EYS: variants seen among roughly 807,000 people sequenced by gnomAD.
EYS encodes the protein protein eyes shut homolog.
A neutral mutation model predicts 282.1 loss-of-function variants in EYS; 250 were observed. That is an observed-to-expected ratio of 0.89 (90% CI 0.80 to 0.98). EYS has a LOEUF of 0.98. EYS is among the 50% of genes least tolerant of loss of function. The probability of loss-of-function intolerance (pLI) is 0.00; values close to 1 mark genes in which losing one functional copy is unlikely to be tolerated. For missense variants in EYS, 4,016 were observed against 3,709.0 expected (o/e 1.08, Z -2.15); for synonymous variants, 1,355 against 1,282.9 (o/e 1.06, Z -1.20).
At chr6:64,259,520 C>T (rs1486258382) in intron 30 of EYS, among the ~76,000 whole-genome samples, 1 of 151,936 alleles carries the variant, frequency 6.6e-6, no homozygotes, top group East Asian at 1.9e-4. Context: ...GAAGGAGATC[C>T]TGCCCCTCCG....
chr6:65,327,773 C>T (rs111371637), intron 11 of EYS, among the ~76,000 whole-genome samples: 2,351 of 151,558 alleles, frequency 0.016, 69 homozygotes, highest in African/African-American at 0.054. Context: ...CTAGAAGATA[C>T]ATTGAAGTGG....
intron 29 of EYS, among the ~76,000 whole-genome samples, chr6:64,369,357 C>A (rs572759241): frequency 3.5e-4 from 54 of 152,166 alleles, no homozygotes; most frequent in Non-Finnish European, 6.5e-4. Context: ...ATCACTTCAG[C>A]TTTGGTCTTT....
intron 10 of EYS, among the ~76,000 whole-genome samples, chr6:65,336,959 A>C (rs1322748065): frequency 6.6e-6 from 1 of 151,416 alleles, no homozygotes; most frequent in Admixed American, 6.6e-5. Flanking sequence ...ATGACAATAG[A>C]ATTTTACTAT....
chr6:63,777,966 A>G (rs762636102), intron 40 of EYS, 40 bp downstream of exon 40: 24 of 1,537,436 alleles, frequency 1.6e-5, no homozygotes, highest in Non-Finnish European at 2.1e-5. Flanking sequence ...TTAGAGTGCA[A>G]ACAACCTGCT....
At chr6:64,240,165 T>C (rs1282945155) in intron 30 of EYS, among the ~76,000 whole-genome samples, 5 of 152,184 alleles carry the variant, frequency 3.3e-5, no homozygotes, top group Non-Finnish European at 7.3e-5. Flanking sequence ...AGCCTTGTAG[T>C]ATAGTTTGAA....
chr6:63,885,872 C>T (rs1773249833), intron 35 of EYS, among the ~76,000 whole-genome samples: 1 of 152,164 alleles, frequency 6.6e-6, no homozygotes, highest in Non-Finnish European at 1.5e-5. Context: ...ATTGGCTAGA[C>T]TTGTACTCTT....
intron 14 of EYS, among the ~76,000 whole-genome samples, chr6:64,996,978 T>A (rs770158098): frequency 6.6e-6 from 1 of 152,146 alleles, no homozygotes; most frequent in Non-Finnish European, 1.5e-5. Flanking sequence ...TGAGTCCACC[T>A]TGAGTAGGTG....
chr6:64,085,355 C>T (rs957158740), intron 31 of EYS, among the ~76,000 whole-genome samples: 3 of 151,686 alleles, frequency 2.0e-5, no homozygotes, highest in South Asian at 2.1e-4. Flanking sequence ...CACACACACA[C>T]ACACACACAC....
intron 13 of EYS, among the ~76,000 whole-genome samples, chr6:65,053,165 C>T (rs1351995563): frequency 6.6e-6 from 1 of 151,560 alleles, no homozygotes; most frequent in African/African-American, 2.4e-5. Flanking sequence ...GGACAAATAC[C>T]TTTTTCCAGT....
chr6:65,116,703 C>A (rs1342642473), intron 12 of EYS, among the ~76,000 whole-genome samples: 3 of 151,850 alleles, frequency 2.0e-5, no homozygotes, highest in Admixed American at 2.0e-4. Flanking sequence ...CAAAACAAAA[C>A]AACAACAAAA....
In EYS at chr6:64,622,285, C is replaced by G. The variant is rs184237984; in HGVS notation, c.3568+3836G>C. ...GGAGGGCTTTATGCTTACCATGGCC[C>G]TGTCATGACTGGACAACATTGGCCA... On this transcript the variant is annotated intron_variant, in intron 23 of 42. Transcript: ENST00000503581. 1.2e-3 allele frequency among the ~76,000 whole-genome samples: 183 copies of G among 152,208 alleles called. 2 individuals are homozygous for G. Among genetic ancestry groups the G allele is most frequent in the Non-Finnish European group, 2.6e-4 (18 of 68,016 alleles).
chr6:65,176,315 A>G (rs1412091977), intron 12 of EYS, among the ~76,000 whole-genome samples: 1 of 151,622 alleles, frequency 6.6e-6, no homozygotes, highest in Non-Finnish European at 1.5e-5. Context: ...AGCTAAATGT[A>G]TACTTAAAAC....
At chr6:65,161,929 G>A (rs370860915) in intron 12 of EYS, among the ~76,000 whole-genome samples, 3 of 151,066 alleles carry the variant, frequency 2.0e-5, no homozygotes, top group East Asian at 3.9e-4. Context: ...TAGTTTCCCC[G>A]CCTCCTCACA....
intron 7 of EYS, 98 bp downstream of exon 7, chr6:65,402,380 A>C: frequency 1.1e-6 from 1 of 884,658 alleles, no homozygotes; most frequent in Non-Finnish European, 1.8e-6. Context: ...CCATTAAGTA[A>C]AAGTTAGGGT....
rs530223455 is a variant in EYS at position 64,120,310 on chromosome 6, C to A, written c.6425-38308G>T. Reference sequence around the variant, plus strand: ...GGCGGAGCTTGCAGTGAGAGGAGATCGCACCACTGCACTCCAGCCTGGGTG... The same window carrying A: ...GGCGGAGCTTGCAGTGAGAGGAGATAGCACCACTGCACTCCAGCCTGGGTG... On this transcript the variant is annotated intron_variant, in intron 31 of 42. Coordinates refer to ENST00000503581, the MANE Select transcript of EYS (RefSeq NM_001142800.2). Among the ~76,000 whole-genome samples the A allele has an allele frequency of 3.6e-5, 5 of 138,096 alleles. No homozygotes were observed. In the East Asian group the frequency reaches 1.1e-3, roughly 30 times the overall value. The allele number at this position is 138,096 out of a possible 152,430, so 90.6% of individuals were successfully genotyped here.
chr6:64,335,392 C>T (rs981643008), intron 29 of EYS, among the ~76,000 whole-genome samples: 1 of 152,028 alleles, frequency 6.6e-6, no homozygotes, highest in Admixed American at 6.6e-5. Flanking sequence ...GCTTACCTCC[C>T]TAGCGTGCCT....
intron 31 of EYS, among the ~76,000 whole-genome samples, chr6:64,187,532 T>C (rs1764982865): frequency 6.6e-6 from 1 of 151,844 alleles, no homozygotes; most frequent in South Asian, 2.1e-4. Flanking sequence ...ATTAAATAAA[T>C]AAAAAAAATT....
At chr6:65,490,571 T>C (rs1431171815) in intron 5 of EYS, 23 bp downstream of exon 5, 7 of 1,203,748 alleles carry the variant, frequency 5.8e-6, no homozygotes, top group South Asian at 2.4e-5. Context: ...GTGTATATGG[T>C]TGTATACATA....
intron 28 of EYS, among the ~76,000 whole-genome samples, chr6:64,416,282 C>A (rs914945391): frequency 1.3e-5 from 2 of 152,058 alleles, no homozygotes; most frequent in Non-Finnish European, 2.9e-5. Context: ...CATTTATAAT[C>A]AAAAAGAATA....
Sources: gnomAD v4.1 joint callset for allele counts (sites outside exome capture counted in the v4.1 genomes callset) on GRCh38, gnomAD v4.1.1 for gene constraint, MANE v1.5 for transcripts, NCBI Gene and HGNC (gene_info 2026-07-23, HGNC 2026-07-21) for gene names.